WDFY4: variants seen among roughly 807,000 people sequenced by gnomAD.
The protein encoded by WDFY4 is WD repeat- and FYVE domain-containing protein 4.
Under a neutral mutation model 351.9 loss-of-function variants are expected in WDFY4, and 169 were observed. The ratio of observed to expected loss-of-function variants is 0.48; its 90% CI spans 0.42 to 0.55. WDFY4 has a LOEUF of 0.55. WDFY4 is among the 20% of genes least tolerant of loss of function. WDFY4 has a pLI of 0.00. For synonymous variants in WDFY4, 1,622 were observed against 1,574.6 expected, an observed-to-expected ratio of 1.03 and a Z score of -0.71; for missense variants, 3,803 against 3,935.6, an observed-to-expected ratio of 0.97 and a Z score of 0.90.
intron 47 of WDFY4, among the ~76,000 whole-genome samples, chr10:48,915,602 G>A (rs1838446651): frequency 6.6e-6 from 1 of 152,128 alleles, no homozygotes; most frequent in African/African-American, 2.4e-5. Context: ...GAGCAATCAG[G>A]CTGTGTGGGA....
chr10:48,800,073 A>T (rs1220075041), intron 24 of WDFY4, among the ~76,000 whole-genome samples: 1 of 152,008 alleles, frequency 6.6e-6, no homozygotes, highest in Non-Finnish European at 1.5e-5. Flanking sequence ...TGTAGTAGAG[A>T]CGGGGTTTCA....
chr10:48,935,833 C>G (rs1302597959), intron 47 of WDFY4, among the ~76,000 whole-genome samples: 1 of 151,512 alleles, frequency 6.6e-6, no homozygotes, highest in Non-Finnish European at 1.5e-5. Context: ...TTGTGCTTTG[C>G]TTTTCCTGCT....
rs2066495760 is a variant in WDFY4 at position 48,787,892 on chromosome 10, TCCTTCTTCTTCTTCTTC to T, written c.3809-637_3809-621del. ...CTTTCTTCTTTCTTTCTTCTTCTTC[TCCTTCTTCTTCTTCTTC>T]TTCTTCTTCTTCTTCTTCTTCTTCT... On this transcript the variant is annotated intron_variant, in intron 20 of 61. Coordinates refer to ENST00000325239, the MANE Select transcript of WDFY4 (RefSeq NM_001394531.1). 3.2e-3 allele frequency among the ~76,000 whole-genome samples: 229 copies of T among 72,284 alleles called. 2 individuals are homozygous for T. Among genetic ancestry groups the T allele is most frequent in the Middle Eastern group, 0.013 (2 of 152 alleles). 47.4% of individuals were successfully genotyped at this position (72,284 alleles called of 152,430 possible).
At chr10:48,840,506 C>T (rs926620608) in intron 39 of WDFY4, among the ~76,000 whole-genome samples, 1 of 151,898 alleles carries the variant, frequency 6.6e-6, no homozygotes, top group African/African-American at 2.4e-5. Context: ...CACACACACA[C>T]ACGTGTATAT....
At position 48,787,812 on chromosome 10, in the gene WDFY4, CTTCTTCTTCT is replaced by C. The variant is rs2066459801; in HGVS notation, c.3809-716_3809-707del. On this transcript the variant is annotated intron_variant, in intron 20 of 61. Coordinates refer to ENST00000325239, the MANE Select transcript of WDFY4 (RefSeq NM_001394531.1). ...TCCTCCTCCTCCTCCTCCTCCTCTTCTTCTTCTTCTTCTTCTTCTTCTTCTTCTTCTTCTT... is the reference window on the plus strand; with the variant it reads ...TCCTCCTCCTCCTCCTCCTCCTCTTCTCTTCTTCTTCTTCTTCTTCTTCTT... Among the ~76,000 whole-genome samples the C allele has an allele frequency of 1.3e-3, 142 of 112,616 alleles. 5 individuals are homozygous for C. Among genetic ancestry groups the C allele is most frequent in the Middle Eastern group, 7.9e-3 (2 of 252 alleles). 73.9% of individuals were successfully genotyped at this position (112,616 alleles called of 152,430 possible). A position where few individuals can be genotyped will look rare whatever the true frequency, so the allele number is the denominator to read the frequency against.
intron 35 of WDFY4, chr10:48,823,731 T>G: frequency 1.0e-6 from 1 of 992,776 alleles, no homozygotes; most frequent in Non-Finnish European, 1.2e-6. Flanking sequence ...CAAACATAGG[T>G]GCCAGTGGGG....
chr10:48,794,686 T>C (rs1180425819), intron 23 of WDFY4, among the ~76,000 whole-genome samples: 1 of 152,138 alleles, frequency 6.6e-6, no homozygotes, highest in African/African-American at 2.4e-5. Context: ...AAGACAGTTA[T>C]GTCAAGGAAT....
chr10:48,882,376 ATAT>A (rs1292168609), intron 43 of WDFY4, among the ~76,000 whole-genome samples: 2 of 152,268 alleles, frequency 1.3e-5, no homozygotes, highest in Admixed American at 6.5e-5. Context: ...GTTGCTATTA[ATAT>A]TATTATTAGC....
chr10:48,982,445 T>C (rs1842850225), intron 61 of WDFY4, 64 bp from the exon 62 acceptor site: 1 of 1,384,776 alleles, frequency 7.2e-7, no homozygotes. Context: ...CAATATCCCA[T>C]GTGCTGGCGG....
intron 1 of WDFY4, among the ~76,000 whole-genome samples, chr10:48,704,134 C>G (rs747606737): frequency 6.6e-6 from 1 of 152,084 alleles, no homozygotes; most frequent in Non-Finnish European, 1.5e-5. Context: ...TGCTGGACCT[C>G]TTCCCATTGT....
At chr10:48,948,472 G>A (rs1713664319) in intron 51 of WDFY4, among the ~76,000 whole-genome samples, 1 of 152,112 alleles carries the variant, frequency 6.6e-6, no homozygotes, top group African/African-American at 2.4e-5. Context: ...GAATGCTTTG[G>A]AGTTTCCTGT....
intron 24 of WDFY4, chr10:48,801,518 G>A: frequency 2.2e-6 from 1 of 456,700 alleles, no homozygotes; most frequent in Non-Finnish European, 4.4e-6. Context: ...TGTATGTTGG[G>A]GTGCCATGCT....
chr10:48,915,490 C>T (rs1269796701), intron 47 of WDFY4, among the ~76,000 whole-genome samples: 2 of 152,052 alleles, frequency 1.3e-5, no homozygotes, highest in African/African-American at 4.8e-5. Context: ...TGCATTGCCT[C>T]TGTTCCCTGC....
At chr10:48,774,323 G>T in intron 13 of WDFY4, 135 bp from the exon 14 acceptor site, 1 of 893,990 alleles carries the variant, frequency 1.1e-6, no homozygotes, top group Non-Finnish European at 1.8e-6. Context: ...ACAGGCGTGG[G>T]TGTAGTGGGG....
At chr10:48,694,652 C>T (rs953187868) in intron 1 of WDFY4, among the ~76,000 whole-genome samples, 4 of 152,178 alleles carry the variant, frequency 2.6e-5, no homozygotes, top group Admixed American at 1.3e-4. Flanking sequence ...CCATGTCCAT[C>T]GGCTTGCCAC....
intron 1 of WDFY4, among the ~76,000 whole-genome samples, chr10:48,695,743 T>A (rs2063314304): frequency 6.6e-6 from 1 of 151,964 alleles, no homozygotes; most frequent in African/African-American, 2.4e-5. Context: ...ACCTGTGCTG[T>A]CTCCAACTCA....
chr10:48,720,187 C>T, intron 3 of WDFY4, 62 bp downstream of exon 3: 1 of 1,489,734 alleles, frequency 6.7e-7, no homozygotes, highest in South Asian at 1.2e-5. Context: ...GCATGCCCTC[C>T]CAGGCCTCTC....
At chr10:48,932,075 A>G (rs1840047301) in intron 47 of WDFY4, among the ~76,000 whole-genome samples, 1 of 152,246 alleles carries the variant, frequency 6.6e-6, no homozygotes. Flanking sequence ...GTTTAGTCTC[A>G]TAACACGCCT....
chr10:48,710,817 G>A (rs1027141245), intron 2 of WDFY4, among the ~76,000 whole-genome samples: 1 of 152,246 alleles, frequency 6.6e-6, no homozygotes, highest in East Asian at 1.9e-4. Context: ...TACTGGGTCT[G>A]CACTCTAGCT....
Sources: allele counts gnomAD v4.1 joint callset (sites outside exome capture counted in the v4.1 genomes callset), GRCh38; gene constraint gnomAD v4.1.1; transcripts MANE v1.5; gene names NCBI Gene and HGNC (gene_info 2026-07-23, HGNC 2026-07-21).